AGBL1: variants seen among roughly 807,000 people sequenced by gnomAD.
The protein encoded by AGBL1 is AGBL carboxypeptidase 1, also known as cytosolic carboxypeptidase 4.
A neutral mutation model predicts 118.9 loss-of-function variants in AGBL1; 130 were observed. The ratio of observed to expected loss-of-function variants is 1.09; its 90% CI spans 0.95 to 1.26. The LOEUF is 1.26. Ranked by LOEUF, AGBL1 falls within the 50% of genes most tolerant of loss-of-function variation. The probability of loss-of-function intolerance (pLI) is 0.00; values close to 1 mark genes in which losing one functional copy is unlikely to be tolerated. For synonymous variants in AGBL1, 555 were observed against 478.9 expected, an observed-to-expected ratio of 1.16 and a Z score of -2.08; for missense variants, 1,584 against 1,298.1, an observed-to-expected ratio of 1.22 and a Z score of -3.38.
intron 22 of AGBL1, among the ~76,000 whole-genome samples, chr15:86,873,450 CCA>C (rs2079758403): frequency 6.6e-6 from 1 of 152,160 alleles, no homozygotes; most frequent in Non-Finnish European, 1.5e-5. Context: ...ATGATAATGT[CCA>C]GTTTTCTTCC....
rs1399999190 is a variant in AGBL1, at chr15:86,840,158, G to T, written c.3159-66929G>T. Among the ~76,000 whole-genome samples, 9 of 152,134 alleles carry T rather than the reference G, an allele frequency of 5.9e-5. No homozygotes were observed. The East Asian group carries it at 1.7e-3, about 29-fold the overall frequency. The stretch of plus-strand genomic sequence containing the variant: ...ATTAATGTGAATTCTAAATTCCTTG[G>T]GTTCATCAAATCTTTGCGTTTGTCA... On this transcript the variant is annotated intron_variant, in intron 22 of 22. Coordinates refer to ENST00000614907, the MANE Select transcript of AGBL1 (RefSeq NM_001386094.1).
At chr15:86,319,685 A>G (rs1208161771) in intron 17 of AGBL1, among the ~76,000 whole-genome samples, 1 of 144,430 alleles carries the variant, frequency 6.9e-6, no homozygotes. Context: ...CTTTAAATAA[A>G]TTCTGATACC....
At chr15:86,475,520 G>C (rs1240851596) in intron 18 of AGBL1, among the ~76,000 whole-genome samples, 1 of 152,042 alleles carries the variant, frequency 6.6e-6, no homozygotes, top group Non-Finnish European at 1.5e-5. Context: ...GAGAAGTTTA[G>C]AGAAAAAAGA....
chr15:86,933,933 T>A (rs951305725), intron 23 of AGBL1, among the ~76,000 whole-genome samples: 1 of 152,212 alleles, frequency 6.6e-6, no homozygotes, highest in Non-Finnish European at 1.5e-5. Flanking sequence ...TGTGGCCTTA[T>A]TAAGTTTCTC....
chr15:86,936,628 T>A (rs2080679274), intron 23 of AGBL1, among the ~76,000 whole-genome samples: 1 of 152,208 alleles, frequency 6.6e-6, no homozygotes, highest in Non-Finnish European at 1.5e-5. Flanking sequence ...GACCTCTTCC[T>A]TATACCATAA....
chr15:86,266,543 C>A, intron 12 of AGBL1, 86 bp downstream of exon 12: 2 of 911,464 alleles, frequency 2.2e-6, no homozygotes, highest in Non-Finnish European at 3.3e-6. Flanking sequence ...TGTTAATAAT[C>A]CACTCCTCCT....
At chr15:86,338,308 G>A (rs1396401957) in intron 17 of AGBL1, among the ~76,000 whole-genome samples, 1 of 152,048 alleles carries the variant, frequency 6.6e-6, no homozygotes, top group Non-Finnish European at 1.5e-5. Context: ...TAATCAGGGA[G>A]GTCAGGTGGC....
At chr15:86,884,675 G>C (rs952412245) in intron 22 of AGBL1, among the ~76,000 whole-genome samples, 1 of 152,122 alleles carries the variant, frequency 6.6e-6, no homozygotes, top group African/African-American at 2.4e-5. Context: ...AGCCAGATCT[G>C]GTGGTGTGCA....
Position 86,869,685 on chromosome 15 carries a change from A to G in AGBL1, c.3159-37402A>G, listed in dbSNP as rs549797340. On this transcript the variant is annotated intron_variant, in intron 22 of 22. Transcript: ENST00000614907. ...TGCTTCCTAATAATAGTAATGATAAAATAACAATAATAATTATTATAACCA... is the reference window on the plus strand; with the variant it reads ...TGCTTCCTAATAATAGTAATGATAAGATAACAATAATAATTATTATAACCA... Among the ~76,000 whole-genome samples, 12 of 152,268 alleles carry G rather than the reference A, an allele frequency of 7.9e-5. No individual in the cohort carries two copies. The East Asian group carries it at 2.1e-3, about 27-fold the overall frequency.
chr15:86,561,016 T>A (rs755640885), intron 21 of AGBL1, among the ~76,000 whole-genome samples: 112 of 152,326 alleles, frequency 7.4e-4, no homozygotes, highest in Non-Finnish European at 1.3e-3. Flanking sequence ...GTTTGAGTTC[T>A]TTGTAGATTC....
intron 5 of AGBL1, among the ~76,000 whole-genome samples, chr15:86,196,868 T>TGCGCGCGCGTGCGCGCGC (rs1555446437): frequency 1.0e-5 from 1 of 95,718 alleles, no homozygotes; most frequent in African/African-American, 4.6e-5. Context: ...TGTGCACATG[T>TGCGCGCGCGTGCGCGCGC]GCGCGCGCGC....
At chr15:87,016,248 T>A (rs1897654) in intron 24 of AGBL1, among the ~76,000 whole-genome samples, 10,429 of 98,640 alleles carry the variant, frequency 0.11, 531 homozygotes, top group East Asian at 0.36. Flanking sequence ...GGATTTTTAA[T>A]AACTGTCCCA....
At chr15:86,513,281 G>T (rs2083074645) in intron 18 of AGBL1, among the ~76,000 whole-genome samples, 1 of 151,688 alleles carries the variant, frequency 6.6e-6, no homozygotes, top group Non-Finnish European at 1.5e-5. Flanking sequence ...GAAGAGTACT[G>T]GTGAGTTATA....
chr15:86,281,804 C>G (rs541396803), intron 16 of AGBL1, among the ~76,000 whole-genome samples: 2 of 152,274 alleles, frequency 1.3e-5, no homozygotes, highest in Admixed American at 1.3e-4. Flanking sequence ...ATTACATTCA[C>G]AAGCTGCTAA....
At chr15:86,668,002 C>T (rs1434099637) in intron 21 of AGBL1, among the ~76,000 whole-genome samples, 9 of 152,080 alleles carry the variant, frequency 5.9e-5, no homozygotes, top group African/African-American at 1.7e-4. Flanking sequence ...AGAGGTGAAG[C>T]GGGAGCAGGC....
rs1251271713 is a variant in AGBL1, at chr15:86,411,728, A to C, written c.2555+14182A>C. ...GCCAAGGAGATAAATAAGAGACATA[A>C]CTCTTTTTGGCCATTTTTTTTGTCA... is the stretch of plus-strand genomic sequence containing the variant. On this transcript the variant is annotated intron_variant, in intron 18 of 22. Transcript: ENST00000614907. Among the ~76,000 whole-genome samples, 6 of 152,046 alleles carry C rather than the reference A, an allele frequency of 3.9e-5. 1 individual carries two copies. In the South Asian group the frequency reaches 6.2e-4, roughly 16 times the overall value.
At chr15:86,676,896 T>A (rs567972880) in intron 22 of AGBL1, among the ~76,000 whole-genome samples, 74 of 150,472 alleles carry the variant, frequency 4.9e-4, no homozygotes, top group African/African-American at 1.6e-3. Context: ...AGGTCAGGAG[T>A]TCAAGACCAG....
chr15:86,422,857 C>G (rs529807424), intron 18 of AGBL1, among the ~76,000 whole-genome samples: 1 of 152,154 alleles, frequency 6.6e-6, no homozygotes, highest in East Asian at 1.9e-4. Flanking sequence ...GAAATGGATA[C>G]ATTCCTGGAC....
intron 5 of AGBL1, among the ~76,000 whole-genome samples, chr15:86,185,482 A>G (rs1474547919): frequency 6.6e-6 from 1 of 152,180 alleles, no homozygotes; most frequent in Non-Finnish European, 1.5e-5. Context: ...CACTATTCAC[A>G]ATAGCAAAGA....
Sources: allele counts gnomAD v4.1 joint callset (sites outside exome capture counted in the v4.1 genomes callset), GRCh38; gene constraint gnomAD v4.1.1; transcripts MANE v1.5; gene names NCBI Gene and HGNC (gene_info 2026-07-23, HGNC 2026-07-21).